NAALADL2: variants seen among roughly 807,000 people sequenced by gnomAD.
The protein encoded by NAALADL2 is N-acetylated alpha-linked acidic dipeptidase like 2.
A neutral mutation model predicts 87.2 loss-of-function variants in NAALADL2; 76 were observed. The observed-to-expected ratio is 0.87, with a 90% confidence interval of 0.72 to 1.05. NAALADL2 has a LOEUF of 1.05. Ranked by LOEUF, NAALADL2 falls within the 50% of genes least tolerant of loss-of-function variation. NAALADL2 has a pLI of 0.00. For missense variants in NAALADL2, 1,089 were observed against 945.8 expected (o/e 1.15, Z -1.99); for synonymous variants, 354 against 331.0 (o/e 1.07, Z -0.75).
At chr3:175,277,545 A>C (rs1041186297) in intron 4 of NAALADL2, among the ~76,000 whole-genome samples, 1 of 152,164 alleles carries the variant, frequency 6.6e-6, no homozygotes, top group African/African-American at 2.4e-5. Flanking sequence ...TTCATCTAGT[A>C]GTCTTTTATT....
At chr3:175,790,345 A>G (rs1752635482) in intron 13 of NAALADL2, among the ~76,000 whole-genome samples, 1 of 152,106 alleles carries the variant, frequency 6.6e-6, no homozygotes, top group South Asian at 2.1e-4. Context: ...GGAACTCAAG[A>G]TGATACCTAT....
chr3:174,693,298 C>G (rs1441282170), intron 2 of NAALADL2, among the ~76,000 whole-genome samples: 6 of 152,148 alleles, frequency 3.9e-5, no homozygotes, highest in African/African-American at 1.4e-4. Context: ...TAATTCATGT[C>G]AAACTTTCAA....
In NAALADL2 at chr3:174,932,851, C is replaced by A. The variant is rs935695545; in HGVS notation, c.43+73401C>A. On this transcript the variant is annotated intron_variant, in intron 1 of 13. Coordinates refer to ENST00000454872, the MANE Select transcript of NAALADL2 (RefSeq NM_207015.3). ...TTGTAATAGAGTCTGGGCACGGTGG[C>A]TCACACCTATAATCCCACCACTTTG... Among the ~76,000 whole-genome samples the A allele has an allele frequency of 7.9e-5, 12 of 152,152 alleles. No homozygotes were observed. In the East Asian group the frequency reaches 2.1e-3, roughly 27 times the overall value.
intron 2 of NAALADL2, among the ~76,000 whole-genome samples, chr3:174,714,212 T>A (rs1730963971): frequency 6.6e-6 from 1 of 152,172 alleles, no homozygotes; most frequent in African/African-American, 2.4e-5. Flanking sequence ...AGCCTTGTAG[T>A]ATAGTTTGAA....
intron 3 of NAALADL2, among the ~76,000 whole-genome samples, chr3:175,251,734 G>T (rs933714079): frequency 2.6e-5 from 4 of 152,162 alleles, no homozygotes; most frequent in Non-Finnish European, 5.9e-5. Context: ...GTGCTTTCCT[G>T]CAGCTGTGAT....
chr3:175,020,917 A>G (rs926491655), intron 1 of NAALADL2, among the ~76,000 whole-genome samples: 1 of 152,050 alleles, frequency 6.6e-6, no homozygotes, highest in Non-Finnish European at 1.5e-5. Context: ...CATCTCTGGG[A>G]AGCTTGGTTT....
chr3:175,345,486 C>T (rs1258488051), intron 5 of NAALADL2, among the ~76,000 whole-genome samples: 4 of 152,054 alleles, frequency 2.6e-5, no homozygotes, highest in African/African-American at 9.7e-5. Flanking sequence ...AGAGAATGAG[C>T]GTGTGATGCA....
intron 2 of NAALADL2, among the ~76,000 whole-genome samples, chr3:174,664,059 G>T (rs1725747963): frequency 6.6e-6 from 1 of 152,122 alleles, no homozygotes; most frequent in South Asian, 2.1e-4. Context: ...AATGTGTGGG[G>T]ATTACAGGCG....
chr3:174,735,540 G>A (rs1159175863), intron 2 of NAALADL2, among the ~76,000 whole-genome samples: 6 of 151,698 alleles, frequency 4.0e-5, no homozygotes, highest in Admixed American at 1.3e-4. Context: ...TTCCAGTTAC[G>A]TATTTTCTCC....
intron 1 of NAALADL2, among the ~76,000 whole-genome samples, chr3:174,999,225 T>C (rs1473328478): frequency 6.6e-6 from 1 of 152,132 alleles, no homozygotes; most frequent in African/African-American, 2.4e-5. Context: ...TTTTCCCCAG[T>C]CCATTGGTCT....
At chr3:174,767,645 G>C (rs145721970) in intron 3 of NAALADL2, among the ~76,000 whole-genome samples, 6 of 152,102 alleles carry the variant, frequency 3.9e-5, no homozygotes, top group African/African-American at 1.4e-4. Context: ...CCACATTTAC[G>C]TACAAGAGAC....
chr3:175,737,808 T>A (rs1744721286), intron 12 of NAALADL2, among the ~76,000 whole-genome samples: 1 of 149,296 alleles, frequency 6.7e-6, no homozygotes, highest in Non-Finnish European at 1.5e-5. Flanking sequence ...TGGGGTTGGT[T>A]TCTGTGTGGT....
At chr3:174,765,959 C>T (rs1283216060) in intron 3 of NAALADL2, among the ~76,000 whole-genome samples, 1 of 152,140 alleles carries the variant, frequency 6.6e-6, no homozygotes, top group African/African-American at 2.4e-5. Flanking sequence ...ACACAAAACC[C>T]TTGGAAACAG....
intron 5 of NAALADL2, among the ~76,000 whole-genome samples, chr3:175,395,350 G>A (rs1457876282): frequency 6.6e-6 from 1 of 152,090 alleles, no homozygotes; most frequent in Non-Finnish European, 1.5e-5. Flanking sequence ...AACTGAATCT[G>A]AGGAAAACTA....
intron 1 of NAALADL2, among the ~76,000 whole-genome samples, chr3:174,943,896 G>T (rs934270731): frequency 6.6e-6 from 1 of 152,166 alleles, no homozygotes; most frequent in Admixed American, 6.5e-5. Flanking sequence ...GAGACTTTCA[G>T]TTGCCCCTGG....
chr3:175,678,962 G>T (rs1033835355), intron 11 of NAALADL2, among the ~76,000 whole-genome samples: 5 of 152,032 alleles, frequency 3.3e-5, no homozygotes, highest in African/African-American at 1.2e-4. Context: ...GTCAGCAAAG[G>T]GAGACAGGGA....
intron 10 of NAALADL2, among the ~76,000 whole-genome samples, chr3:175,581,996 T>C (rs1359445843): frequency 2.0e-5 from 3 of 152,206 alleles, no homozygotes; most frequent in Admixed American, 2.0e-4. Context: ...AATAAAACAC[T>C]GTCATAAACT....
chr3:175,358,279 T>C (rs1177393944), intron 5 of NAALADL2, among the ~76,000 whole-genome samples: 6 of 152,152 alleles, frequency 3.9e-5, no homozygotes, highest in Admixed American at 2.0e-4. Flanking sequence ...TCCTTATAAC[T>C]TTGTTACATT....
intron 9 of NAALADL2, among the ~76,000 whole-genome samples, chr3:175,518,457 T>G (rs1732185983): frequency 6.6e-6 from 1 of 152,244 alleles, no homozygotes; most frequent in African/African-American, 2.4e-5. Context: ...GTATACATAC[T>G]GTCTTAGTCC....
Sources: allele counts gnomAD v4.1 joint callset (sites outside exome capture counted in the v4.1 genomes callset), GRCh38; gene constraint gnomAD v4.1.1; transcripts MANE v1.5; gene names NCBI Gene and HGNC (gene_info 2026-07-23, HGNC 2026-07-21).